Variants in DCC observed in about 807,000 individuals in gnomAD.
DCC encodes the protein netrin receptor DCC.
A neutral mutation model predicts 172.5 loss-of-function variants in DCC; 58 were observed. The observed-to-expected ratio is 0.34, with a 90% CI of 0.27 to 0.42. DCC has a LOEUF of 0.42. DCC is among the 10% of genes least tolerant of loss of function. The pLI, the probability that DCC is intolerant of heterozygous loss-of-function variation, is 1.00. For missense variants in DCC, 1,740 were observed against 1,791.0 expected (o/e 0.97, Z 0.51); for synonymous variants, 709 against 644.5 (o/e 1.10, Z -1.52).
chr18:52,687,013 T>G (rs1481513296), intron 1 of DCC, among the ~76,000 whole-genome samples: 1 of 152,122 alleles, frequency 6.6e-6, no homozygotes, highest in African/African-American at 2.4e-5. Context: ...ACTCCTTAGG[T>G]TGATCATCAT....
intron 2 of DCC, among the ~76,000 whole-genome samples, chr18:52,762,718 G>A (rs894341142): frequency 5.9e-5 from 9 of 152,042 alleles, no homozygotes; most frequent in Non-Finnish European, 2.9e-5. Context: ...TAGCTACTTA[G>A]GAGGCTGAAG....
chr18:53,081,804 A>G (rs1309634050), intron 7 of DCC, among the ~76,000 whole-genome samples: 2 of 152,052 alleles, frequency 1.3e-5, no homozygotes, highest in African/African-American at 4.8e-5. Context: ...AATGGCTACT[A>G]AGATTTGTAA....
At chr18:52,867,133 T>A (rs1007837791) in intron 2 of DCC, among the ~76,000 whole-genome samples, 3 of 152,232 alleles carry the variant, frequency 2.0e-5, no homozygotes, top group African/African-American at 7.2e-5. Flanking sequence ...TCTATTGAGA[T>A]AATCATGTGG....
intron 2 of DCC, among the ~76,000 whole-genome samples, chr18:52,754,520 G>A (rs576828143): frequency 5.9e-5 from 9 of 152,282 alleles, no homozygotes; most frequent in Admixed American, 2.0e-4. Flanking sequence ...ACAATGAGAC[G>A]TCTGTAATCT....
intron 1 of DCC, among the ~76,000 whole-genome samples, chr18:52,552,670 G>A (rs1273902294): frequency 2.0e-5 from 3 of 151,952 alleles, no homozygotes; most frequent in African/African-American, 7.2e-5. Flanking sequence ...CTAATGCAAT[G>A]AGTAATCAAG....
At chr18:53,223,828 T>G (rs7243601) in intron 12 of DCC, among the ~76,000 whole-genome samples, 131,976 of 152,172 alleles carry the variant, frequency 0.87, 57,456 homozygotes, top group Admixed American at 0.92. Context: ...ACGAGCTATT[T>G]TAGTCAATAT....
intron 1 of DCC, among the ~76,000 whole-genome samples, chr18:52,403,673 A>G (rs1350598790): frequency 2.0e-5 from 3 of 152,036 alleles, no homozygotes; most frequent in Admixed American, 6.6e-5. Flanking sequence ...GCAACTAAGG[A>G]GGGAAGGAGG....
intron 1 of DCC, among the ~76,000 whole-genome samples, chr18:52,416,579 T>C (rs574248384): frequency 1.3e-5 from 2 of 151,862 alleles, no homozygotes; most frequent in East Asian, 1.9e-4. Flanking sequence ...CATATATATT[T>C]AGGATAGTTA....
intron 7 of DCC, among the ~76,000 whole-genome samples, chr18:53,097,514 G>A (rs578258745): frequency 6.6e-6 from 1 of 152,280 alleles, no homozygotes; most frequent in South Asian, 2.1e-4. Flanking sequence ...AGATAGATGA[G>A]TATAGCAATA....
rs539245177 is a variant in DCC, at chr18:53,221,152, TTTTAA to T, written c.1911+5569_1911+5573del. Among the ~76,000 whole-genome samples the T allele has an allele frequency of 3.1e-3, 472 of 152,198 alleles. 2 individuals are homozygous for T. The highest frequency in any genetic ancestry group is 4.9e-3 in the Non-Finnish European group (336 of 68,004). On this transcript the variant is annotated intron_variant, in intron 12 of 28. Coordinates refer to ENST00000442544, the MANE Select transcript of DCC (RefSeq NM_005215.4). Reference sequence around the variant, plus strand: ...ACAACTTTATATAAAATTTACCATTTTTTAATTTAATTTAATTTTTTAAATTAAAT... The same window carrying T: ...ACAACTTTATATAAAATTTACCATTTTTTAATTTAATTTTTTAAATTAAAT...
At chr18:52,638,793 G>T (rs942615978) in intron 1 of DCC, among the ~76,000 whole-genome samples, 1 of 152,046 alleles carries the variant, frequency 6.6e-6, no homozygotes, top group Admixed American at 6.6e-5. Flanking sequence ...CACTAGACAG[G>T]TCATCAAGAC....
intron 1 of DCC, among the ~76,000 whole-genome samples, chr18:52,404,385 C>A (rs1478517911): frequency 3.3e-5 from 5 of 150,538 alleles, no homozygotes; most frequent in Non-Finnish European, 5.9e-5. Flanking sequence ...ATCTGACACT[C>A]AACTTGAAAG....
intron 1 of DCC, among the ~76,000 whole-genome samples, chr18:52,600,009 G>A (rs1042284985): frequency 2.0e-5 from 3 of 152,130 alleles, no homozygotes; most frequent in African/African-American, 2.4e-5. Flanking sequence ...ATGGATAACA[G>A]TCATATTCTC....
chr18:52,690,668 T>A (rs775824253), intron 1 of DCC, among the ~76,000 whole-genome samples: 3 of 152,130 alleles, frequency 2.0e-5, no homozygotes, highest in Non-Finnish European at 4.4e-5. Flanking sequence ...GAATCTAAGG[T>A]TCAGAGAGAC....
chr18:53,511,931 C>G (rs2046260145), intron 27 of DCC, among the ~76,000 whole-genome samples: 1 of 152,226 alleles, frequency 6.6e-6, no homozygotes, highest in Non-Finnish European at 1.5e-5. Context: ...GTAAACAAAG[C>G]AACCAGGAAG....
At position 53,336,710 on chromosome 18, in the gene DCC, GTAGA is replaced by G. The variant is rs145068602; in HGVS notation, c.2165-2996_2165-2993del. ...CTACAAAAACATAAAAATAAAATAA[GTAGA>G]TAGATAAATACATTAGCTGGGCGTG... On this transcript the variant is annotated intron_variant, in intron 14 of 28. Coordinates refer to ENST00000442544, the MANE Select transcript of DCC (RefSeq NM_005215.4). Among the ~76,000 whole-genome samples, 176 of 152,256 alleles carry G rather than the reference GTAGA, an allele frequency of 1.2e-3. 1 individual carries two copies. Among genetic ancestry groups the G allele is most frequent in the African/African-American group, 4.0e-3 (165 of 41,550 alleles).
At chr18:53,508,874 T>C (rs1295267221) in intron 27 of DCC, among the ~76,000 whole-genome samples, 2 of 152,228 alleles carry the variant, frequency 1.3e-5, no homozygotes, top group African/African-American at 4.8e-5. Flanking sequence ...TAAATGCATT[T>C]GACAGCCAGG....
chr18:53,043,852 A>G (rs1015455374), intron 5 of DCC, among the ~76,000 whole-genome samples: 1 of 151,896 alleles, frequency 6.6e-6, no homozygotes, highest in Non-Finnish European at 1.5e-5. Context: ...TAGCCCTGCT[A>G]TCCTCACACA....
intron 23 of DCC, among the ~76,000 whole-genome samples, chr18:53,457,358 C>G (rs1281532242): frequency 1.3e-5 from 2 of 152,126 alleles, no homozygotes; most frequent in South Asian, 4.1e-4. Context: ...AAGGGGAAAC[C>G]AGAATTTGTA....
Sources: gnomAD v4.1 joint callset for allele counts (sites outside exome capture counted in the v4.1 genomes callset) on GRCh38, gnomAD v4.1.1 for gene constraint, MANE v1.5 for transcripts, NCBI Gene and HGNC (gene_info 2026-07-23, HGNC 2026-07-21) for gene names.